The following NCALD variants were observed in gnomAD, a reference collection of about 807,000 sequenced individuals.
The protein encoded by NCALD is neurocalcin delta, also known as neurocalcin-delta.
Under a neutral mutation model 18.6 loss-of-function variants are expected in NCALD, and 10 were observed. The observed-to-expected ratio is 0.54, with a 90% CI of 0.33 to 0.91. The LOEUF (loss-of-function observed/expected upper bound fraction) is 0.91. Among genes scored for constraint, NCALD ranks in the 40% least tolerant of loss-of-function variants. The pLI is 0.03. For synonymous variants in NCALD, 88 were observed against 87.4 expected, an observed-to-expected ratio of 1.01 and a Z score of -0.04; for missense variants, 184 against 247.6, an observed-to-expected ratio of 0.74 and a Z score of 1.72.
intron 1 of NCALD, among the ~76,000 whole-genome samples, chr8:102,107,237 TATAC>T (rs1199482397): frequency 0.013 from 1,391 of 105,802 alleles, 2 homozygotes; most frequent in Middle Eastern, 0.022. Context: ...TATATATATA[TATAC>T]ACATAGAAAT....
At chr8:101,869,256 T>C (rs1022685753) in intron 4 of NCALD, among the ~76,000 whole-genome samples, 52 of 152,262 alleles carry the variant, frequency 3.4e-4, no homozygotes, top group Middle Eastern at 3.4e-3. Context: ...ACAGGCCCAA[T>C]GTAATTACAA....
At chr8:102,084,607 G>C (rs1824673312) in intron 1 of NCALD, among the ~76,000 whole-genome samples, 1 of 152,164 alleles carries the variant, frequency 6.6e-6, no homozygotes, top group African/African-American at 2.4e-5. Flanking sequence ...CTTGGGAGGG[G>C]CGCCACACGC....
chr8:102,015,501 C>T (rs916113818), intron 2 of NCALD, among the ~76,000 whole-genome samples: 1 of 152,108 alleles, frequency 6.6e-6, no homozygotes, highest in Non-Finnish European at 1.5e-5. Flanking sequence ...ATTGTATTTA[C>T]AACCAAAATT....
In NCALD at chr8:101,773,439, A is replaced by G. The variant is rs574059675; in HGVS notation, c.-20+17423T>C. Reference sequence around the variant, plus strand: ...AAATGCTGTAAGCCAGGCTAATTGTATAAGTTTCCAGAAGGTTCCACATGC... The same window carrying G: ...AAATGCTGTAAGCCAGGCTAATTGTGTAAGTTTCCAGAAGGTTCCACATGC... On this transcript the variant is annotated intron_variant, in intron 1 of 3. Transcript: ENST00000220931. 2.4e-4 allele frequency among the ~76,000 whole-genome samples: 36 copies of G among 152,352 alleles called. 1 individual carries two copies. Among genetic ancestry groups the G allele is most frequent in the African/African-American group, 8.7e-4 (36 of 41,592 alleles).
At chr8:101,793,349 CAA>C (rs945645876), upstream of NCALD, among the ~76,000 whole-genome samples, 85 of 75,698 alleles carry the variant, frequency 1.1e-3, no homozygotes, top group African/African-American at 3.1e-3. Context: ...GACTCCGTCT[CAA>C]AAAAAAAAAA....
chr8:102,015,221 CTT>C (rs1822043367), intron 2 of NCALD, among the ~76,000 whole-genome samples: 1 of 152,024 alleles, frequency 6.6e-6, no homozygotes, highest in Non-Finnish European at 1.5e-5. Context: ...ATTTTTCTCT[CTT>C]TCTCATCACC....
chr8:101,960,388 A>G (rs6468804), intron 2 of NCALD, among the ~76,000 whole-genome samples: 62,426 of 151,952 alleles, frequency 0.41, 13,039 homozygotes, highest in Admixed American at 0.49. Flanking sequence ...CACTGCCCCC[A>G]ACCCATTTTT....
chr8:102,007,780 G>T (rs1259379619), intron 2 of NCALD, among the ~76,000 whole-genome samples: 1 of 152,138 alleles, frequency 6.6e-6, no homozygotes, highest in Non-Finnish European at 1.5e-5. Flanking sequence ...TGCAGTGCAT[G>T]TCCACACCCT....
chr8:101,813,673 T>C (rs1813392906), intron 4 of NCALD, among the ~76,000 whole-genome samples: 1 of 152,144 alleles, frequency 6.6e-6, no homozygotes, highest in South Asian at 2.1e-4. Context: ...ATTACACAGC[T>C]TGCACAATGT....
chr8:101,981,879 T>C (rs2131942872), intron 2 of NCALD, among the ~76,000 whole-genome samples: 1 of 152,298 alleles, frequency 6.6e-6, no homozygotes, highest in South Asian at 2.1e-4. Context: ...ACCAATCTCA[T>C]GCTGAAATGT....
intron 1 of NCALD, among the ~76,000 whole-genome samples, chr8:102,068,103 A>C (rs1563589432): frequency 6.6e-6 from 1 of 152,202 alleles, no homozygotes; most frequent in East Asian, 1.9e-4. Context: ...AAATATTTAA[A>C]GGAGAGTGAG....
At chr8:101,883,782 T>C (rs1816574349) in intron 4 of NCALD, among the ~76,000 whole-genome samples, 1 of 152,226 alleles carries the variant, frequency 6.6e-6, no homozygotes, top group Non-Finnish European at 1.5e-5. Context: ...AAACTTAGTA[T>C]AAAACCTATA....
chr8:101,882,943 T>A (rs1208968639), intron 4 of NCALD, among the ~76,000 whole-genome samples: 2 of 152,262 alleles, frequency 1.3e-5, no homozygotes, highest in South Asian at 2.1e-4. Flanking sequence ...TAACAACTTT[T>A]GAGAATGTGA....
At chr8:101,737,131 T>A (rs1357955634) in intron 1 of NCALD, among the ~76,000 whole-genome samples, 1 of 152,190 alleles carries the variant, frequency 6.6e-6, no homozygotes, top group East Asian at 1.9e-4. Context: ...ACAGTTCTTT[T>A]TTTTTTAGAC....
chr8:101,786,359 A>G (rs1812227991), intron 1 of NCALD, among the ~76,000 whole-genome samples: 1 of 152,206 alleles, frequency 6.6e-6, no homozygotes, highest in South Asian at 2.1e-4. Context: ...CATGCCTACT[A>G]TAATACTGTG....
chr8:101,919,105 C>T (rs1199373065), intron 2 of NCALD, among the ~76,000 whole-genome samples: 4 of 152,164 alleles, frequency 2.6e-5, no homozygotes, highest in Non-Finnish European at 4.4e-5. Context: ...AAGCTGGAGG[C>T]ATCACGTTAT....
At chr8:101,822,434 T>C (rs879421946) in intron 4 of NCALD, among the ~76,000 whole-genome samples, 1 of 152,152 alleles carries the variant, frequency 6.6e-6, no homozygotes, top group Non-Finnish European at 1.5e-5. Flanking sequence ...ATTCCTTCTC[T>C]TCCAGACTCA....
intron 3 of NCALD, among the ~76,000 whole-genome samples, chr8:101,894,596 C>T (rs1817068943): frequency 7.0e-6 from 1 of 142,984 alleles, no homozygotes; most frequent in African/African-American, 2.9e-5. Context: ...AAAGGATCAA[C>T]AAAATTGATA....
chr8:101,999,654 A>C (rs1821373049), intron 2 of NCALD, among the ~76,000 whole-genome samples: 1 of 152,188 alleles, frequency 6.6e-6, no homozygotes, highest in Admixed American at 6.5e-5. Flanking sequence ...CTGTTCCCCC[A>C]AAACCTATTG....
Sources: gnomAD v4.1 joint callset for allele counts (sites outside exome capture counted in the v4.1 genomes callset) on GRCh38, gnomAD v4.1.1 for gene constraint, MANE v1.5 for transcripts, NCBI Gene and HGNC (gene_info 2026-07-23, HGNC 2026-07-21) for gene names.